The following MYO1H variants were observed in gnomAD, a reference collection of about 807,000 sequenced individuals.
The protein encoded by MYO1H is unconventional myosin-Ih.
MYO1H carries 118 observed loss-of-function variants against 149.3 expected under a neutral mutation model. The ratio of observed to expected loss-of-function variants is 0.79; its 90% CI spans 0.68 to 0.92. The LOEUF is 0.92. Among genes scored for constraint, MYO1H ranks in the 40% least tolerant of loss-of-function variants. The pLI, the probability that MYO1H is intolerant of heterozygous loss-of-function variation, is 0.00. For missense variants in MYO1H, 1,212 were observed against 1,280.7 expected, an observed-to-expected ratio of 0.95 and a Z score of 0.82; for synonymous variants, 447 against 465.2, an observed-to-expected ratio of 0.96 and a Z score of 0.50.
rs751027516 is a variant in MYO1H, at chr12:109,424,797, CCGA to C, written c.1695_1697del (p.Glu566del). 20 of 1,613,876 alleles carry C rather than the reference CCGA, an allele frequency of 1.2e-5. No individual in the cohort carries two copies. In the Admixed American group the frequency reaches 3.2e-4, roughly 26 times the overall value. On this transcript the variant is annotated inframe_deletion, in exon 17 of 32. Coordinates refer to ENST00000310903, the Ensembl canonical transcript of MYO1H. Reference sequence around the variant, plus strand: ...ATCCTGAGGGAATGCTTCCTGCTGGCCGAGTTAGAAAACCGGAGGAGGCCCCCA... The same window carrying C: ...ATCCTGAGGGAATGCTTCCTGCTGGCGTTAGAAAACCGGAGGAGGCCCCCA...
chr12:109,365,204 A>G (rs1455260424), intron 1 of MYO1H, among the ~76,000 whole-genome samples: 2 of 152,104 alleles, frequency 1.3e-5, no homozygotes, highest in African/African-American at 2.4e-5. Context: ...TGAATCCCAG[A>G]GTTCAAGGCT....
chr12:109,374,438 C>A (rs1400012722), intron 1 of MYO1H, among the ~76,000 whole-genome samples: 1 of 152,198 alleles, frequency 6.6e-6, no homozygotes, highest in Non-Finnish European at 1.5e-5. Context: ...GCACTTGGGG[C>A]AGTGCCTGGC....
chr12:109,434,830 G>A (rs1003414822), intron 20 of MYO1H, among the ~76,000 whole-genome samples: 3 of 152,110 alleles, frequency 2.0e-5, no homozygotes, highest in Admixed American at 6.5e-5. Flanking sequence ...TGTGTGTATA[G>A]AGACACTCTC....
intron 19 of MYO1H, among the ~76,000 whole-genome samples, chr12:109,427,901 A>ATATATATAT (rs1871427185): frequency 2.1e-5 from 1 of 46,750 alleles, no homozygotes; most frequent in African/African-American, 7.9e-5. Context: ...AAAAAAAAAA[A>ATATATATAT]AAAAAAAAAT....
the MYO1H span, among the ~76,000 whole-genome samples, chr12:109,334,687 T>C: frequency 6.6e-6 from 1 of 152,332 alleles, no homozygotes; most frequent in African/African-American, 2.4e-5. Flanking sequence ...ATATTTTCCC[T>C]CTTCTTATAT....
chr12:109,382,379 T>C (rs749489194), intron 1 of MYO1H, among the ~76,000 whole-genome samples: 5 of 152,152 alleles, frequency 3.3e-5, no homozygotes, highest in Non-Finnish European at 2.9e-5. Context: ...ATTTTCTCTA[T>C]GAATAAATTG....
intron 1 of MYO1H, among the ~76,000 whole-genome samples, chr12:109,354,630 A>AAAAAAAAAG (rs796354256): frequency 0.28 from 37,417 of 132,486 alleles, 5,844 homozygotes; most frequent in Admixed American, 0.37. Flanking sequence ...AAAAAAAAAA[A>AAAAAAAAAG]AAAAGAAAAG....
chr12:109,346,309 A>G (rs891303335), upstream of MYO1H, among the ~76,000 whole-genome samples: 5 of 152,220 alleles, frequency 3.3e-5, no homozygotes, highest in African/African-American at 1.2e-4. Flanking sequence ...ATATCAGGCA[A>G]TTGAGCATCC....
upstream of MYO1H, chr12:109,347,827 C>T (rs1312327746): frequency 7.5e-6 from 3 of 397,496 alleles, no homozygotes; most frequent in East Asian, 1.1e-4. Flanking sequence ...AACTTAGCTC[C>T]ACCCCGCAAG....
At position 109,442,691 on chromosome 12, in the gene MYO1H, T is replaced by A. The variant is rs144220565; in HGVS notation, c.2688+419T>A. Among the ~76,000 whole-genome samples, 266 of 151,926 alleles carry A rather than the reference T, an allele frequency of 1.8e-3. 5 individuals are homozygous for A. In the East Asian group the frequency reaches 0.049, roughly 28 times the overall value. The stretch of plus-strand genomic sequence containing the variant: ...ATCTTCTGTGAATGAGGATGATGGG[T>A]TTACTGAGAGGATGAATGAGTCGGT... On this transcript the variant is annotated intron_variant, in intron 27 of 31. Transcript: ENST00000310903.
intron 23 of MYO1H, among the ~76,000 whole-genome samples, chr12:109,439,003 TG>T (rs1315303774): frequency 1.3e-5 from 2 of 152,252 alleles, no homozygotes; most frequent in Admixed American, 1.3e-4. Flanking sequence ...ACTGCTGCTG[TG>T]GGGAAATGTA....
chr12:109,432,857 G>GGTAC (rs1566040721), intron 19 of MYO1H, 40 bp from the exon 20 acceptor site: 2 of 1,563,618 alleles, frequency 1.3e-6, no homozygotes, highest in Admixed American at 3.3e-5. Context: ...GCTAGAGGAA[G>GGTAC]GTACGGTCAC....
chr12:109,446,190 G>T, intron 31 of MYO1H: 1 of 984,728 alleles, frequency 1.0e-6, no homozygotes, highest in Non-Finnish European at 1.2e-6. Context: ...GGGAACCATG[G>T]CTACGTTAGG....
chr12:109,353,267 A>C (rs1004180644), intron 1 of MYO1H, among the ~76,000 whole-genome samples: 4 of 151,784 alleles, frequency 2.6e-5, no homozygotes, highest in Admixed American at 6.6e-5. Flanking sequence ...GGTGGTACAC[A>C]CCTGTAATCC....
chr12:109,381,651 A>G (rs1321862035), intron 1 of MYO1H, among the ~76,000 whole-genome samples: 2 of 151,740 alleles, frequency 1.3e-5, no homozygotes, highest in Non-Finnish European at 2.9e-5. Flanking sequence ...CTAAAAATAC[A>G]AAATCTTAGT....
At chr12:109,368,523 G>T (rs1486185561) in intron 1 of MYO1H, among the ~76,000 whole-genome samples, 1 of 151,504 alleles carries the variant, frequency 6.6e-6, no homozygotes, top group East Asian at 1.9e-4. Context: ...AGGTGCAGTG[G>T]CACACACCTT....
At chr12:109,360,592 T>TA (rs1868722903) in intron 1 of MYO1H, among the ~76,000 whole-genome samples, 1 of 152,134 alleles carries the variant, frequency 6.6e-6, no homozygotes, top group Non-Finnish European at 1.5e-5. Flanking sequence ...TTCATGAGGG[T>TA]AGAGAGTAGG....
chr12:109,347,534 A>T (rs1868362344), upstream of MYO1H, among the ~76,000 whole-genome samples: 1 of 152,164 alleles, frequency 6.6e-6, no homozygotes, highest in Non-Finnish European at 1.5e-5. Context: ...TTCCAGCAGG[A>T]GTTCCCTGGA....
chr12:109,371,213 C>G (rs375906482), intron 1 of MYO1H, among the ~76,000 whole-genome samples: 1 of 118,346 alleles, frequency 8.4e-6, no homozygotes, highest in African/African-American at 3.2e-5. Context: ...TTTTTTCTTT[C>G]TTTTTTTTTT....
Sources: allele counts gnomAD v4.1 joint callset (sites outside exome capture counted in the v4.1 genomes callset), GRCh38; gene constraint gnomAD v4.1.1; transcripts MANE v1.5; gene names NCBI Gene and HGNC (gene_info 2026-07-23, HGNC 2026-07-21).